CMSS1: variants seen among roughly 807,000 people sequenced by gnomAD.
CMSS1 encodes cms1 ribosomal small subunit homolog.
In CMSS1, 33 loss-of-function variants were observed where a neutral mutation model predicts 43.5. The observed-to-expected ratio is 0.76, with a 90% CI of 0.57 to 1.01. The LOEUF is 1.01. Among genes scored for constraint, CMSS1 ranks in the 50% least tolerant of loss-of-function variants. The pLI, the probability that CMSS1 is intolerant of heterozygous loss-of-function variation, is 0.00. For missense variants in CMSS1, 313 were observed against 326.4 expected (o/e 0.96, Z 0.32); for synonymous variants, 115 against 117.2 (o/e 0.98, Z 0.12).
At chr3:99,991,178 C>A (rs539964252) in intron 1 of CMSS1, among the ~76,000 whole-genome samples, 1 of 152,208 alleles carries the variant, frequency 6.6e-6, no homozygotes, top group South Asian at 2.1e-4. Flanking sequence ...GTAGAAAATT[C>A]CCACTAATTT....
chr3:100,081,768 C>T (rs1381134675), intron 1 of CMSS1, among the ~76,000 whole-genome samples: 1 of 152,080 alleles, frequency 6.6e-6, no homozygotes, highest in African/African-American at 2.4e-5. Flanking sequence ...AATGTCTTTT[C>T]TTAGTTGTTT....
intron 1 of CMSS1, among the ~76,000 whole-genome samples, chr3:99,918,125 G>A (rs1032221783): frequency 2.6e-5 from 4 of 151,908 alleles, no homozygotes; most frequent in East Asian, 1.9e-4. Context: ...TTACAGGCGC[G>A]CGGCACCACG....
At chr3:99,971,428 T>C (rs2107717780) in intron 1 of CMSS1, among the ~76,000 whole-genome samples, 1 of 151,080 alleles carries the variant, frequency 6.6e-6, no homozygotes, top group South Asian at 2.1e-4. Flanking sequence ...AGATGAGGAG[T>C]CCTCTTTTCT....
At chr3:99,964,617 A>G (rs556217166) in intron 1 of CMSS1, among the ~76,000 whole-genome samples, 2 of 152,026 alleles carry the variant, frequency 1.3e-5, no homozygotes, top group African/African-American at 4.8e-5. Context: ...CTGTGTGTCT[A>G]GGGCCAAAAG....
intron 1 of CMSS1, among the ~76,000 whole-genome samples, chr3:100,070,230 T>G (rs1451177034): frequency 6.6e-6 from 1 of 152,192 alleles, no homozygotes; most frequent in African/African-American, 2.4e-5. Context: ...GATAGTTAAT[T>G]GAAGTTAGAT....
chr3:99,850,128 A>T (rs1414067432), intron 1 of CMSS1: 8 of 1,612,404 alleles, frequency 5.0e-6, no homozygotes, highest in Non-Finnish European at 5.9e-6. Flanking sequence ...CTTGTAATTT[A>T]TCTTCAGTTT....
chr3:99,833,997 T>C (rs565304037), intron 1 of CMSS1, among the ~76,000 whole-genome samples: 1 of 152,372 alleles, frequency 6.6e-6, no homozygotes, highest in South Asian at 2.1e-4. Flanking sequence ...AAAATATATT[T>C]GAAATATTAT....
Position 99,818,155 on chromosome 3 carries a change from G to A in CMSS1, c.64+112G>A, listed in dbSNP as rs75476851. ...TGTTTGCCCAGCAGGGGTGTGCACCGCCTTGGGAGCGCGCAAGCATCTCGG... is the reference window on the plus strand; with the variant it reads ...TGTTTGCCCAGCAGGGGTGTGCACCACCTTGGGAGCGCGCAAGCATCTCGG... On this transcript the variant is annotated intron_variant, in intron 1 of 9. Coordinates refer to ENST00000421999, the MANE Select transcript of CMSS1 (RefSeq NM_032359.4). 1.1e-3 allele frequency: 1,074 copies of A among 935,120 alleles called. 10 individuals are homozygous for A. In the African/African-American group the frequency reaches 0.016, roughly 14 times the overall value. The allele number at this position is 935,120 out of a possible 1,614,324, so 57.9% of individuals were successfully genotyped here. A position where few individuals can be genotyped will look rare whatever the true frequency, so the allele number is the denominator to read the frequency against.
chr3:100,142,858 T>C (rs2066816129), intron 1 of CMSS1, among the ~76,000 whole-genome samples: 1 of 152,252 alleles, frequency 6.6e-6, no homozygotes, highest in Non-Finnish European at 1.5e-5. Context: ...GAGTCCTTTT[T>C]ACTTTTAGTC....
chr3:99,838,417 C>T (rs1463608112), intron 1 of CMSS1, among the ~76,000 whole-genome samples: 2 of 152,158 alleles, frequency 1.3e-5, no homozygotes, highest in African/African-American at 4.8e-5. Context: ...ACAGACCCTT[C>T]AGTGTGGGTC....
intron 1 of CMSS1, among the ~76,000 whole-genome samples, chr3:100,071,090 CTTTTT>C (rs61563009): frequency 1.6e-3 from 112 of 70,580 alleles, no homozygotes; most frequent in East Asian, 4.4e-3. Flanking sequence ...GCTACTCTCT[CTTTTT>C]TTTTTTTTTT....
At chr3:100,055,684 C>T (rs1022036621) in intron 1 of CMSS1, among the ~76,000 whole-genome samples, 1 of 152,110 alleles carries the variant, frequency 6.6e-6, no homozygotes, top group Admixed American at 6.5e-5. Context: ...CTTCCTTTCC[C>T]TGTTCTTTAG....
chr3:99,876,157 A>C (rs1705506321), intron 1 of CMSS1: 1 of 985,744 alleles, frequency 1.0e-6, no homozygotes, highest in Admixed American at 6.1e-5. Context: ...GCGCTCCGAG[A>C]GTCGCCCGAA....
chr3:100,091,296 A>AAAAAAAG (rs1553713259), intron 1 of CMSS1, among the ~76,000 whole-genome samples: 4 of 148,218 alleles, frequency 2.7e-5, no homozygotes, highest in Non-Finnish European at 6.0e-5. Context: ...AAAAAAAAAA[A>AAAAAAAG]AAAAAAGAAA....
chr3:100,030,403 A>C (rs2065003918), intron 1 of CMSS1, among the ~76,000 whole-genome samples: 1 of 152,064 alleles, frequency 6.6e-6, no homozygotes, highest in African/African-American at 2.4e-5. Flanking sequence ...AGCTTTTCCA[A>C]CTCTAATTGT....
chr3:100,011,051 A>C (rs1249609311), intron 1 of CMSS1, among the ~76,000 whole-genome samples: 1 of 152,144 alleles, frequency 6.6e-6, no homozygotes, highest in Non-Finnish European at 1.5e-5. Flanking sequence ...TCTGTGGTGC[A>C]AGGATGGTAC....
intron 1 of CMSS1, among the ~76,000 whole-genome samples, chr3:100,053,954 C>A (rs1234102917): frequency 6.6e-6 from 1 of 152,244 alleles, no homozygotes; most frequent in Non-Finnish European, 1.5e-5. Flanking sequence ...CTGGCCCACA[C>A]TTCTTCCCAA....
intron 1 of CMSS1, among the ~76,000 whole-genome samples, chr3:99,959,917 A>G (rs575497577): frequency 6.6e-6 from 1 of 152,330 alleles, no homozygotes; most frequent in East Asian, 1.9e-4. Context: ...CCCATTGTAC[A>G]AAGGAGATGC....
In CMSS1 at chr3:99,980,111, C is replaced by T. The variant is rs191181040; in HGVS notation, c.64+162068C>T. Among the ~76,000 whole-genome samples, 469 of 152,202 alleles carry T rather than the reference C, an allele frequency of 3.1e-3. 4 individuals are homozygous for T. Among genetic ancestry groups the T allele is most frequent in the African/African-American group, 0.011 (443 of 41,530 alleles). The stretch of plus-strand genomic sequence containing the variant: ...GAAATGATGAGAAGCCTAATTCAGG[C>T]AGTACAGTACGGACTATATAGTGAG... On this transcript the variant is annotated intron_variant, in intron 1 of 9. Coordinates refer to ENST00000421999, the MANE Select transcript of CMSS1 (RefSeq NM_032359.4).
Sources: allele counts gnomAD v4.1 joint callset (sites outside exome capture counted in the v4.1 genomes callset), GRCh38; gene constraint gnomAD v4.1.1; transcripts MANE v1.5; gene names NCBI Gene and HGNC (gene_info 2026-07-23, HGNC 2026-07-21).